CENPF: variants seen among roughly 807,000 people sequenced by gnomAD.
CENPF encodes centromere protein F, also known as AH antigen.
CENPF carries 214 observed loss-of-function variants against 307.3 expected under a neutral mutation model. The ratio of observed to expected loss-of-function variants is 0.70; its 90% CI spans 0.62 to 0.78. The LOEUF (loss-of-function observed/expected upper bound fraction) is 0.78, where lower values mean the gene tolerates loss of function less well. Among genes scored for constraint, CENPF ranks in the 30% least tolerant of loss-of-function variants. The pLI is 0.00. For synonymous variants in CENPF, 1,259 were observed against 1,270.6 expected, an observed-to-expected ratio of 0.99 and a Z score of 0.19; for missense variants, 3,401 against 3,483.9, an observed-to-expected ratio of 0.98 and a Z score of 0.60.
chr1:214,630,185 GT>G (rs912709003), intron 8 of CENPF, among the ~76,000 whole-genome samples: 6 of 152,132 alleles, frequency 3.9e-5, no homozygotes, highest in African/African-American at 1.4e-4. Flanking sequence ...AGTATGTTTG[GT>G]TTCTTAGTTG....
chr1:214,632,711 T>C, intron 10 of CENPF, 109 bp downstream of exon 10: 1 of 1,293,930 alleles, frequency 7.7e-7, no homozygotes, highest in Non-Finnish European at 1.1e-6. Flanking sequence ...TGTGTGCCTT[T>C]TTCTTTTCTA....
rs757346859 is a variant in CENPF, at chr1:214,651,876, C to G, written c.8150C>G (p.Thr2717Arg). ...AAACACCAGGCTTTGCTTTTGGACACAAACAAACAGGTGAAATGTGGGGTT... is the reference window on the plus strand; with the variant it reads ...AAACACCAGGCTTTGCTTTTGGACAGAAACAAACAGGTGAAATGTGGGGTT... ...EKKHQALLLDTNKQYEVEIQT... is the reference protein window; with the variant it reads ...EKKHQALLLDRNKQYEVEIQT... The change falls in exon 15 of 20, where the codon ACA becomes AGA. Residue 2717 changes from threonine to arginine, a missense_variant. Transcript: ENST00000366955. The G allele has an allele frequency of 3.7e-6, 6 of 1,602,088 alleles. No individual in the cohort carries two copies. Among genetic ancestry groups the G allele is most frequent in the Non-Finnish European group, 5.1e-6 (6 of 1,176,492 alleles).
intron 10 of CENPF, among the ~76,000 whole-genome samples, chr1:214,633,889 C>T (rs1482834749): frequency 1.3e-5 from 2 of 152,244 alleles, no homozygotes; most frequent in Non-Finnish European, 1.5e-5. Flanking sequence ...AGACTGGCAT[C>T]GAACTCTTCC....
intron 5 of CENPF, among the ~76,000 whole-genome samples, 183 bp downstream of exon 5, chr1:214,619,403 T>G (rs1380089671): frequency 6.6e-6 from 1 of 152,172 alleles, no homozygotes. Flanking sequence ...TAGGGTGGAA[T>G]GAATAAAATA....
rs1251944540 is a variant in CENPF, at chr1:214,646,501, G to C, written c.6931G>C (p.Glu2311Gln). 2 of 1,614,004 alleles carry C rather than the reference G, an allele frequency of 1.2e-6. No individual in the cohort carries two copies. Among genetic ancestry groups the C allele is most frequent in the African/African-American group, 2.7e-5 (2 of 74,932 alleles). ...CATTGAAAAGCTGAGAGCCCGCCTA[G>C]AAGCTGATGAAAAGAAGCAGCTCTG... ...NSIEKLRARL[E>Q]ADEKKQLCVL... The change falls in exon 13 of 20, where the codon GAA (glutamate) becomes CAA (glutamine). Residue 2311 changes from glutamate to glutamine, a missense_variant. By Grantham distance (29) the Glu-to-Gln change is conservative. Coordinates refer to ENST00000366955, the MANE Select transcript of CENPF (RefSeq NM_016343.4).
At position 214,656,598 on chromosome 1, in the gene CENPF, A is replaced by T. The variant is rs189415026; in HGVS notation, c.8486-335A>T. Among the ~76,000 whole-genome samples, 5 of 152,282 alleles carry T rather than the reference A, an allele frequency of 3.3e-5. No homozygotes were observed. The East Asian group carries it at 9.6e-4, about 29-fold the overall frequency. ...TTATGGTAGACAGAATGGACTGGGG[A>T]AAATAAGGATGTAAAAAAATGAATT... On this transcript the variant is annotated intron_variant, in intron 17 of 19. Coordinates refer to ENST00000366955, the MANE Select transcript of CENPF (RefSeq NM_016343.4).
chr1:214,607,084 C>T (rs1414608191), intron 1 of CENPF, among the ~76,000 whole-genome samples: 2 of 152,222 alleles, frequency 1.3e-5, no homozygotes, highest in African/African-American at 4.8e-5. Flanking sequence ...TGCTGCCTGG[C>T]TTGTGCCTGT....
intron 19 of CENPF, among the ~76,000 whole-genome samples, chr1:214,661,444 A>G (rs926979758): frequency 1.1e-4 from 16 of 152,250 alleles, no homozygotes; most frequent in African/African-American, 3.4e-4. Flanking sequence ...GCAGTTGCTT[A>G]GAAACTCAGG....
chr1:214,660,208 A>G (rs1658754550), intron 19 of CENPF, among the ~76,000 whole-genome samples: 1 of 152,318 alleles, frequency 6.6e-6, no homozygotes, highest in South Asian at 2.1e-4. Context: ...TTAGTAATAA[A>G]TTTGTTCATC....
At chr1:214,653,921 A>T (rs1343378728) in intron 16 of CENPF, 1 of 152,212 alleles carries the variant, frequency 6.6e-6, no homozygotes, top group Admixed American at 6.5e-5. Flanking sequence ...TTGTGATTGG[A>T]ATCAGAAGTC....
Position 214,605,732 on chromosome 1 carries a change from T to C in CENPF, c.-42+2411T>C. Reference sequence around the variant, plus strand: ...GAAGCGACGCAGGCCCTCCAGGTACTGGCTGTAGAGCTCGATGTCGTTGTG... The same window carrying C: ...GAAGCGACGCAGGCCCTCCAGGTACCGGCTGTAGAGCTCGATGTCGTTGTG... On this transcript the variant is annotated intron_variant, in intron 1 of 19. Transcript: ENST00000366955. 6 of 1,594,282 alleles carry C rather than the reference T, an allele frequency of 3.8e-6. No individual in the cohort carries two copies. In the South Asian group the frequency reaches 6.6e-5, roughly 18 times the overall value.
chr1:214,649,377 A>G (rs1369001768), intron 14 of CENPF, among the ~76,000 whole-genome samples: 3 of 152,232 alleles, frequency 2.0e-5, no homozygotes, highest in Non-Finnish European at 4.4e-5. Flanking sequence ...TGTACTGGGT[A>G]GCTGCTACCA....
At chr1:214,629,480 G>A (rs1008939646) in intron 8 of CENPF, among the ~76,000 whole-genome samples, 1 of 151,952 alleles carries the variant, frequency 6.6e-6, no homozygotes, top group African/African-American at 2.4e-5. Context: ...TCTCTGCTGT[G>A]GAGGAAATTG....
At chr1:214,607,829 T>C (rs1657078818) in intron 1 of CENPF, among the ~76,000 whole-genome samples, 1 of 151,954 alleles carries the variant, frequency 6.6e-6, no homozygotes, top group Admixed American at 6.6e-5. Flanking sequence ...GTGCTGGGGG[T>C]CTGCACCTGA....
Position 214,652,870 on chromosome 1 carries a change from AAAG to A in CENPF, c.8209_8211del (p.Glu2737del), listed in dbSNP as rs1269061734. 1 of 1,604,296 alleles carries A rather than the reference AAAG, an allele frequency of 6.2e-7. No homozygotes were observed. Among genetic ancestry groups the A allele is most frequent in the Non-Finnish European group, 8.5e-7 (1 of 1,177,338 alleles). Reference sequence around the variant, plus strand: ...GACATACCGAGAGAAATTGACTTCTAAAGAAGAATGTCTCAGTTCACAGAAGCT... The same window carrying A: ...GACATACCGAGAGAAATTGACTTCTAAAGAATGTCTCAGTTCACAGAAGCT... On this transcript the variant is annotated inframe_deletion, in exon 16 of 20. Coordinates refer to ENST00000366955, the MANE Select transcript of CENPF (RefSeq NM_016343.4).
Position 214,646,371 on chromosome 1 carries a change from G to A in CENPF, c.6801G>A (p.Glu2267=). ...AGATGCTTCAGAATCAGTTAAAGGAGCTAAATGAGGCAGTAGCAGCCTTGT... is the reference window on the plus strand; with the variant it reads ...AGATGCTTCAGAATCAGTTAAAGGAACTAAATGAGGCAGTAGCAGCCTTGT... ...AVEMLQNQLK[E]LNEAVAALCG... is the part of the protein sequence containing the mutation. The change falls in exon 13 of 20, where the codon GAG becomes GAA. Residue 2267 remains glutamate (E), a synonymous_variant. Coordinates refer to ENST00000366955, the MANE Select transcript of CENPF (RefSeq NM_016343.4). 6.2e-7 allele frequency: 1 copy of A among 1,614,078 alleles called. No individual in the cohort carries two copies. The highest frequency in any genetic ancestry group is 8.5e-7 in the Non-Finnish European group (1 of 1,180,002).
At chr1:214,636,574 T>C (rs1657972485) in intron 10 of CENPF, among the ~76,000 whole-genome samples, 1 of 152,178 alleles carries the variant, frequency 6.6e-6, no homozygotes, top group South Asian at 2.1e-4. Context: ...AAGTACTTTC[T>C]ACTAGCCAGA....
At chr1:214,647,735 C>G (rs1658352053) in intron 13 of CENPF, among the ~76,000 whole-genome samples, 1 of 152,116 alleles carries the variant, frequency 6.6e-6, no homozygotes, top group South Asian at 2.1e-4. Flanking sequence ...TAGTGGCCTC[C>G]CCATATCCAG....
At chr1:214,627,474 A>G (rs1292690006) in intron 7 of CENPF, among the ~76,000 whole-genome samples, 3 of 149,988 alleles carry the variant, frequency 2.0e-5, no homozygotes, top group African/African-American at 7.4e-5. Flanking sequence ...CCTGGGTTCA[A>G]GTGATTCTCC....
Sources: allele counts gnomAD v4.1 joint callset (sites outside exome capture counted in the v4.1 genomes callset), GRCh38; gene constraint gnomAD v4.1.1; transcripts MANE v1.5; gene names NCBI Gene and HGNC (gene_info 2026-07-23, HGNC 2026-07-21).